BTBD9: variants seen among roughly 807,000 people sequenced by gnomAD.
BTBD9 encodes BTB/POZ domain-containing protein 9.
A neutral mutation model predicts 64.3 loss-of-function variants in BTBD9; 49 were observed. The ratio of observed to expected loss-of-function variants is 0.76; its 90% CI spans 0.61 to 0.97. The LOEUF (loss-of-function observed/expected upper bound fraction) is 0.97, where lower values mean the gene tolerates loss of function less well. Among genes scored for constraint, BTBD9 ranks in the 50% least tolerant of loss-of-function variants. The pLI is 0.00. For synonymous variants in BTBD9, 260 were observed against 274.7 expected, an observed-to-expected ratio of 0.95 and a Z score of 0.53; for missense variants, 598 against 762.1, an observed-to-expected ratio of 0.78 and a Z score of 2.53.
intron 9 of BTBD9, among the ~76,000 whole-genome samples, chr6:38,203,444 CA>C (rs1762532007): frequency 6.6e-6 from 1 of 152,200 alleles, no homozygotes; most frequent in Non-Finnish European, 1.5e-5. Flanking sequence ...GGGATATCTG[CA>C]CTCACATGTT....
At chr6:38,395,667 T>C (rs1158182976) in intron 6 of BTBD9, among the ~76,000 whole-genome samples, 1 of 151,968 alleles carries the variant, frequency 6.6e-6, no homozygotes, top group Non-Finnish European at 1.5e-5. Context: ...ACTCTCAAAT[T>C]CCTAATCCCT....
intron 6 of BTBD9, among the ~76,000 whole-genome samples, chr6:38,404,436 C>A (rs1220675120): frequency 6.6e-6 from 1 of 152,120 alleles, no homozygotes; most frequent in African/African-American, 2.4e-5. Flanking sequence ...GACAAATTTG[C>A]ATCTTATCTG....
At chr6:38,207,542 G>T (rs754286572) in intron 9 of BTBD9, among the ~76,000 whole-genome samples, 31 of 152,194 alleles carry the variant, frequency 2.0e-4, no homozygotes, top group Non-Finnish European at 4.3e-4. Flanking sequence ...AGGATCACCT[G>T]AGCCTGGGGG....
chr6:38,507,515 T>C (rs1451918064), intron 6 of BTBD9, among the ~76,000 whole-genome samples: 1 of 152,212 alleles, frequency 6.6e-6, no homozygotes, highest in East Asian at 1.9e-4. Flanking sequence ...ATCCAACTGC[T>C]CTCCCTTCTG....
intron 1 of BTBD9, among the ~76,000 whole-genome samples, chr6:38,637,859 T>C (rs1163220231): frequency 6.6e-6 from 1 of 152,238 alleles, no homozygotes; most frequent in East Asian, 1.9e-4. Context: ...TCAAAGACTG[T>C]ACTCTGATTA....
intron 6 of BTBD9, among the ~76,000 whole-genome samples, chr6:38,381,346 A>G (rs1765925978): frequency 6.6e-6 from 1 of 152,204 alleles, no homozygotes; most frequent in South Asian, 2.1e-4. Flanking sequence ...CATTAAAGCA[A>G]AAAGCATTAC....
At chr6:38,381,240 T>A (rs985040298) in intron 6 of BTBD9, among the ~76,000 whole-genome samples, 6 of 150,956 alleles carry the variant, frequency 4.0e-5, no homozygotes, top group African/African-American at 1.5e-4. Flanking sequence ...CAAGAAACAA[T>A]AAAATATAAG....
At chr6:38,465,491 C>T (rs1309338774) in intron 6 of BTBD9, among the ~76,000 whole-genome samples, 88 of 130,772 alleles carry the variant, frequency 6.7e-4, no homozygotes, top group Non-Finnish European at 2.1e-4. Context: ...ATTAGCCGGG[C>T]GTGGTGGTGG....
intron 7 of BTBD9, among the ~76,000 whole-genome samples, chr6:38,317,503 G>A (rs1410728539): frequency 6.6e-6 from 1 of 152,050 alleles, no homozygotes; most frequent in Non-Finnish European, 1.5e-5. Context: ...AATCTGCTTA[G>A]TGTTCTAAAC....
At chr6:38,383,428 G>C (rs1766022149) in intron 6 of BTBD9, among the ~76,000 whole-genome samples, 2 of 152,122 alleles carry the variant, frequency 1.3e-5, no homozygotes, top group Admixed American at 6.5e-5. Flanking sequence ...TAAAATGATA[G>C]AAGCATTCCC....
chr6:38,467,242 C>A (rs936961053), intron 6 of BTBD9, among the ~76,000 whole-genome samples: 1 of 152,084 alleles, frequency 6.6e-6, no homozygotes, highest in Admixed American at 6.5e-5. Flanking sequence ...ATTTTTGTCC[C>A]TTTTAGCTTG....
intron 6 of BTBD9, among the ~76,000 whole-genome samples, chr6:38,464,938 A>T (rs980143399): frequency 6.6e-6 from 1 of 152,066 alleles, no homozygotes; most frequent in African/African-American, 2.4e-5. Context: ...TATTCCTTAA[A>T]TGTTTAGCAG....
At chr6:38,418,189 C>G (rs1205632190) in intron 6 of BTBD9, among the ~76,000 whole-genome samples, 5 of 152,084 alleles carry the variant, frequency 3.3e-5, no homozygotes, top group Non-Finnish European at 5.9e-5. Flanking sequence ...GATGAGCCTT[C>G]CAAGAGAAAT....
intron 9 of BTBD9, among the ~76,000 whole-genome samples, chr6:38,236,384 C>G (rs980025318): frequency 6.6e-6 from 1 of 152,206 alleles, no homozygotes; most frequent in Non-Finnish European, 1.5e-5. Flanking sequence ...TCTGTGACAT[C>G]ATTTCAAACC....
chr6:38,430,018 A>G (rs1320486953), intron 6 of BTBD9, among the ~76,000 whole-genome samples: 1 of 151,880 alleles, frequency 6.6e-6, no homozygotes, highest in Non-Finnish European at 1.5e-5. Context: ...CTGGGCTCCC[A>G]TATCTTCTCA....
chr6:38,366,137 A>G (rs943756762), intron 6 of BTBD9, among the ~76,000 whole-genome samples: 1 of 152,254 alleles, frequency 6.6e-6, no homozygotes, highest in African/African-American at 2.4e-5. Flanking sequence ...GACCTGCTTC[A>G]TAAGTATATA....
intron 10 of BTBD9, among the ~76,000 whole-genome samples, chr6:38,188,818 T>C (rs893174170): frequency 2.0e-5 from 3 of 152,196 alleles, no homozygotes; most frequent in Non-Finnish European, 2.9e-5. Context: ...GAAATGAGAC[T>C]GAGCGCTCAT....
At chr6:38,189,449 G>T (rs897446505) in intron 10 of BTBD9, among the ~76,000 whole-genome samples, 1 of 152,200 alleles carries the variant, frequency 6.6e-6, no homozygotes, top group Non-Finnish European at 1.5e-5. Context: ...TTCTCTGAGG[G>T]TTTGCTGTAT....
At chr6:38,631,965 C>A (rs374000668) in intron 1 of BTBD9, among the ~76,000 whole-genome samples, 1 of 152,190 alleles carries the variant, frequency 6.6e-6, no homozygotes, top group African/African-American at 2.4e-5. Flanking sequence ...CCCGTCTCTA[C>A]TAAAAATACA....
Sources: gnomAD v4.1 joint callset for allele counts (sites outside exome capture counted in the v4.1 genomes callset) on GRCh38, gnomAD v4.1.1 for gene constraint, MANE v1.5 for transcripts, NCBI Gene and HGNC (gene_info 2026-07-23, HGNC 2026-07-21) for gene names.